Variants in DIAPH3 observed in about 807,000 individuals in gnomAD.
The protein encoded by DIAPH3 is diaphanous related formin 3.
Under a neutral mutation model 144.3 loss-of-function variants are expected in DIAPH3, and 117 were observed. The ratio of observed to expected loss-of-function variants is 0.81; its 90% confidence interval spans 0.70 to 0.95. The LOEUF (loss-of-function observed/expected upper bound fraction) is 0.95, where lower values mean the gene tolerates loss of function less well. Among genes scored for constraint, DIAPH3 ranks in the 40% least tolerant of loss-of-function variants. The pLI, the probability that DIAPH3 is intolerant of heterozygous loss-of-function variation, is 0.00. For synonymous variants in DIAPH3, 519 were observed against 488.9 expected, an observed-to-expected ratio of 1.06 and a Z score of -0.81; for missense variants, 1,421 against 1,412.7, an observed-to-expected ratio of 1.01 and a Z score of -0.09.
At chr13:59,990,756 G>A (rs2051758450) in intron 12 of DIAPH3, among the ~76,000 whole-genome samples, 2 of 151,944 alleles carry the variant, frequency 1.3e-5, no homozygotes. Flanking sequence ...AAACGCAACT[G>A]TATTATTAAG....
intron 27 of DIAPH3, among the ~76,000 whole-genome samples, chr13:59,762,896 A>C (rs2037674233): frequency 6.6e-6 from 1 of 152,160 alleles, no homozygotes. Context: ...TAGTTTCCTT[A>C]CAAAGGATGA....
chr13:59,987,275 T>C (rs1328468970), intron 12 of DIAPH3, among the ~76,000 whole-genome samples: 4 of 142,428 alleles, frequency 2.8e-5, no homozygotes, highest in Admixed American at 1.5e-4. Context: ...AACTGAACAA[T>C]GAGATCACAT....
intron 24 of DIAPH3, among the ~76,000 whole-genome samples, chr13:59,811,644 G>A (rs1477609703): frequency 6.6e-6 from 1 of 151,160 alleles, no homozygotes; most frequent in African/African-American, 2.4e-5. Flanking sequence ...GGCTGAGGCA[G>A]GAGAATGGTG....
At chr13:59,792,491 A>G (rs2039379428) in intron 25 of DIAPH3, among the ~76,000 whole-genome samples, 1 of 152,206 alleles carries the variant, frequency 6.6e-6, no homozygotes, top group Admixed American at 6.5e-5. Flanking sequence ...CCAGGTCCTA[A>G]GAGTTCCTTG....
chr13:59,739,593 T>G (rs1354822531), intron 27 of DIAPH3, among the ~76,000 whole-genome samples: 4 of 149,930 alleles, frequency 2.7e-5, no homozygotes, highest in African/African-American at 9.7e-5. Flanking sequence ...ACTTATTTAG[T>G]AACCACAGAC....
chr13:59,865,081 T>C (rs754664033), intron 21 of DIAPH3, among the ~76,000 whole-genome samples: 3 of 151,946 alleles, frequency 2.0e-5, no homozygotes, highest in Non-Finnish European at 4.4e-5. Flanking sequence ...TGCTCTAACA[T>C]TCTCTAGAAA....
intron 21 of DIAPH3, among the ~76,000 whole-genome samples, chr13:59,866,063 C>A (rs560098469): frequency 6.6e-6 from 1 of 151,788 alleles, no homozygotes; most frequent in African/African-American, 2.4e-5. Context: ...AGAAACAAGA[C>A]AAAATTCTGA....
intron 4 of DIAPH3, among the ~76,000 whole-genome samples, chr13:60,047,701 T>C (rs746956346): frequency 4.3e-4 from 66 of 152,274 alleles, no homozygotes; most frequent in Middle Eastern, 3.4e-3. Flanking sequence ...AAAATCCTCC[T>C]TGCCTTGGAG....
At chr13:59,773,323 C>A (rs768566395) in intron 27 of DIAPH3, among the ~76,000 whole-genome samples, 25 of 152,126 alleles carry the variant, frequency 1.6e-4, no homozygotes, top group Non-Finnish European at 3.4e-4. Context: ...ATTATTTTAG[C>A]TTCCCTAGAA....
chr13:59,902,783 A>G (rs1426481886), intron 20 of DIAPH3, among the ~76,000 whole-genome samples: 1 of 152,214 alleles, frequency 6.6e-6, no homozygotes, highest in African/African-American at 2.4e-5. Context: ...CCAAAAAATA[A>G]AAGTAAAAAT....
At chr13:59,964,266 C>T (rs754185783) in intron 17 of DIAPH3, among the ~76,000 whole-genome samples, 16 of 152,032 alleles carry the variant, frequency 1.1e-4, no homozygotes, top group Non-Finnish European at 2.1e-4. Flanking sequence ...ATCTACCATT[C>T]GTCAAGTGAC....
At chr13:60,075,076 T>C (rs1473153054) in intron 4 of DIAPH3, among the ~76,000 whole-genome samples, 3 of 152,194 alleles carry the variant, frequency 2.0e-5, no homozygotes, top group African/African-American at 7.2e-5. Context: ...ATAGTTTGCA[T>C]TGATATATAT....
intron 4 of DIAPH3, among the ~76,000 whole-genome samples, chr13:60,086,784 C>T (rs138319963): frequency 6.6e-6 from 1 of 152,090 alleles, no homozygotes; most frequent in Non-Finnish European, 1.5e-5. Flanking sequence ...GAAACTGTAA[C>T]TGAAAGCAAG....
chr13:59,835,618 C>A (rs1185261885), intron 23 of DIAPH3, among the ~76,000 whole-genome samples: 1 of 151,624 alleles, frequency 6.6e-6, no homozygotes, highest in Non-Finnish European at 1.5e-5. Flanking sequence ...TTAAGTGGAA[C>A]ACAGGCAAGA....
At chr13:59,791,941 T>C (rs1000500730) in intron 25 of DIAPH3, among the ~76,000 whole-genome samples, 2 of 152,218 alleles carry the variant, frequency 1.3e-5, no homozygotes, top group South Asian at 2.1e-4. Flanking sequence ...GGGATTGCTG[T>C]AGTTGGGCTA....
intron 25 of DIAPH3, among the ~76,000 whole-genome samples, chr13:59,777,055 C>T (rs989971967): frequency 6.6e-6 from 1 of 152,148 alleles, no homozygotes; most frequent in Admixed American, 6.5e-5. Context: ...AATGACCTCT[C>T]TCGCCCTCAG....
chr13:59,762,052 C>CTTTTT lies in DIAPH3; in HGVS notation c.3319+12132_3319+12136dup, dbSNP rs35387511. On this transcript the variant is annotated intron_variant, in intron 27 of 27. Transcript: ENST00000400324. ...GCACCCAAGATGAAAGCGTCAGCATCTTTTTTTTTTTTTTTTTTTTTTTTT... is the reference window on the plus strand; with the variant it reads ...GCACCCAAGATGAAAGCGTCAGCATCTTTTTTTTTTTTTTTTTTTTTTTTTTTTTT... Among the ~76,000 whole-genome samples, 21 of 59,520 alleles carry CTTTTT rather than the reference C, an allele frequency of 3.5e-4. 1 individual carries two copies. The highest frequency in any genetic ancestry group is 2.1e-3 in the East Asian group (4 of 1,946). The allele number at this position is 59,520 out of a possible 152,430, so 39.0% of individuals were successfully genotyped here. A position where few individuals can be genotyped will look rare whatever the true frequency, so the allele number is the denominator to read the frequency against.
At chr13:59,974,297 C>A in intron 15 of DIAPH3, 55 bp downstream of exon 15, 1 of 1,290,372 alleles carries the variant, frequency 7.7e-7, no homozygotes, top group South Asian at 1.2e-5. Context: ...ATAACATAAC[C>A]TTTGCTCCCT....
intron 4 of DIAPH3, among the ~76,000 whole-genome samples, chr13:60,090,626 C>T (rs900130951): frequency 1.1e-4 from 16 of 152,200 alleles, no homozygotes; most frequent in African/African-American, 3.6e-4. Flanking sequence ...AACTTTGATT[C>T]TGTTCTTTTC....
Sources: allele counts gnomAD v4.1 joint callset (sites outside exome capture counted in the v4.1 genomes callset), GRCh38; gene constraint gnomAD v4.1.1; transcripts MANE v1.5; gene names NCBI Gene and HGNC (gene_info 2026-07-23, HGNC 2026-07-21).